Variants in DLG2 observed in about 807,000 individuals in gnomAD.
The protein encoded by DLG2 is discs large MAGUK scaffold protein 2, also known as disks large homolog 2.
A neutral mutation model predicts 132.5 loss-of-function variants in DLG2; 45 were observed. The observed-to-expected ratio is 0.34, with a 90% CI of 0.27 to 0.44. The LOEUF is 0.44. DLG2 is among the 20% of genes least tolerant of loss of function. The probability of loss-of-function intolerance (pLI) is 1.00; values close to 1 mark genes in which losing one functional copy is unlikely to be tolerated. For synonymous variants in DLG2, 424 were observed against 419.6 expected (o/e 1.01, Z -0.13); for missense variants, 1,045 against 1,196.9 (o/e 0.87, Z 1.87).
At chr11:84,343,445 G>C (rs1310766987) in intron 7 of DLG2, among the ~76,000 whole-genome samples, 1 of 152,158 alleles carries the variant, frequency 6.6e-6, no homozygotes, top group African/African-American at 2.4e-5. Context: ...TTCACTGGTT[G>C]AATGTATTTG....
intron 6 of DLG2, among the ~76,000 whole-genome samples, chr11:85,102,323 C>G (rs2071006743): frequency 6.6e-6 from 1 of 151,946 alleles, no homozygotes; most frequent in African/African-American, 2.4e-5. Context: ...AATATGTTCC[C>G]TATTCAACCC....
At chr11:84,966,935 G>A (rs2053431920) in intron 6 of DLG2, among the ~76,000 whole-genome samples, 1 of 152,034 alleles carries the variant, frequency 6.6e-6, no homozygotes, top group Admixed American at 6.6e-5. Flanking sequence ...TTAAACTGAG[G>A]GAAATAGAAA....
At chr11:85,519,048 C>T (rs118041478) in intron 3 of DLG2, among the ~76,000 whole-genome samples, 5,416 of 152,228 alleles carry the variant, frequency 0.036, 147 homozygotes, top group Admixed American at 0.053. Context: ...GATACCGAGA[C>T]AGAAGTTTGC....
intron 16 of DLG2, among the ~76,000 whole-genome samples, chr11:83,852,611 G>T (rs114975482): frequency 6.6e-6 from 1 of 152,296 alleles, no homozygotes; most frequent in African/African-American, 2.4e-5. Flanking sequence ...ACCTTTAGCT[G>T]TAGTTGAACT....
In DLG2 at chr11:84,021,839, C is replaced by A. The variant is rs183619851; in HGVS notation, c.919+37476G>T. Among the ~76,000 whole-genome samples, 328 of 151,902 alleles carry A rather than the reference C, an allele frequency of 2.2e-3. 1 individual carries two copies. The highest frequency in any genetic ancestry group is 7.4e-3 in the African/African-American group (306 of 41,438). ...ATTGGCTCACCTCAACCTCCGCCTACCGGGTTCAAGCGATTCTCCTGCCTC... is the reference window on the plus strand; with the variant it reads ...ATTGGCTCACCTCAACCTCCGCCTAACGGGTTCAAGCGATTCTCCTGCCTC... On this transcript the variant is annotated intron_variant, in intron 11 of 27. Coordinates refer to ENST00000376104, the MANE Select transcript of DLG2 (RefSeq NM_001142699.3).
intron 6 of DLG2, among the ~76,000 whole-genome samples, chr11:84,603,893 T>C (rs529769694): frequency 1.3e-5 from 2 of 152,010 alleles, no homozygotes; most frequent in East Asian, 1.9e-4. Context: ...AACAAACAAA[T>C]ATTCAATAAT....
At chr11:85,211,460 A>C (rs1186815145) in intron 4 of DLG2, among the ~76,000 whole-genome samples, 2 of 152,140 alleles carry the variant, frequency 1.3e-5, no homozygotes. Context: ...CCCAACAACT[A>C]AGTTCCCTTG....
At chr11:84,117,847 C>CTTTATTTA (rs527261967) in intron 9 of DLG2, among the ~76,000 whole-genome samples, 212 of 151,714 alleles carry the variant, frequency 1.4e-3, no homozygotes, top group African/African-American at 4.9e-3. Flanking sequence ...ATTTTATAGG[C>CTTTATTTA]TTTATTTATT....
intron 3 of DLG2, among the ~76,000 whole-genome samples, chr11:85,345,743 A>G (rs896209706): frequency 1.3e-5 from 2 of 152,130 alleles, no homozygotes; most frequent in Non-Finnish European, 2.9e-5. Flanking sequence ...TAGCCTGATA[A>G]TAGGATCAAG....
intron 6 of DLG2, among the ~76,000 whole-genome samples, chr11:84,747,797 G>A (rs904717102): frequency 5.9e-5 from 9 of 152,074 alleles, no homozygotes; most frequent in African/African-American, 1.9e-4. Flanking sequence ...TGGTTAGAAC[G>A]TGATTCTTGT....
intron 3 of DLG2, among the ~76,000 whole-genome samples, chr11:85,460,598 A>C (rs1361694706): frequency 6.6e-6 from 1 of 152,228 alleles, no homozygotes; most frequent in African/African-American, 2.4e-5. Context: ...TTGAAGATAC[A>C]GTAGTTAATC....
intron 18 of DLG2, among the ~76,000 whole-genome samples, chr11:83,758,896 C>T (rs1048074144): frequency 9.2e-5 from 14 of 151,766 alleles, no homozygotes; most frequent in African/African-American, 2.4e-4. Flanking sequence ...TTTATGGATA[C>T]GACTGCTGAA....
rs67195725 is a variant in DLG2, at chr11:83,742,210, A to AACACACACACACAC, written c.1825+44466_1825+44479dup. On this transcript the variant is annotated intron_variant, in intron 18 of 27. Coordinates refer to ENST00000376104, the MANE Select transcript of DLG2 (RefSeq NM_001142699.3). ...AGAGAGTAAATTTTACCACACTTTT[A>AACACACACACACAC]ACACACACACACACACACACACACA... 2.6e-3 allele frequency among the ~76,000 whole-genome samples: 388 copies of AACACACACACACAC among 147,096 alleles called. 1 individual carries two copies. Among genetic ancestry groups the AACACACACACACAC allele is most frequent in the African/African-American group, 8.0e-3 (321 of 39,978 alleles).
intron 7 of DLG2, among the ~76,000 whole-genome samples, chr11:84,494,515 G>A (rs1010133690): frequency 2.0e-5 from 3 of 152,194 alleles, no homozygotes; most frequent in African/African-American, 7.2e-5. Flanking sequence ...ACTGACCCAG[G>A]CAGATGGAGA....
chr11:83,818,816 C>T (rs997925530), intron 17 of DLG2, among the ~76,000 whole-genome samples: 1 of 151,764 alleles, frequency 6.6e-6, no homozygotes, highest in African/African-American at 2.4e-5. Flanking sequence ...TGAATATGAA[C>T]GTAAAAAGAC....
intron 6 of DLG2, among the ~76,000 whole-genome samples, chr11:84,686,369 T>C (rs1426968151): frequency 5.9e-5 from 9 of 152,188 alleles, no homozygotes; most frequent in African/African-American, 1.9e-4. Context: ...GAAGGCAACC[T>C]TTCTACAATG....
At chr11:84,695,599 A>T (rs1412615366) in intron 6 of DLG2, among the ~76,000 whole-genome samples, 1 of 151,598 alleles carries the variant, frequency 6.6e-6, no homozygotes, top group African/African-American at 2.4e-5. Flanking sequence ...AACATTTTGC[A>T]TGGAATGGTT....
chr11:83,681,153 C>A (rs2153598053), intron 18 of DLG2, among the ~76,000 whole-genome samples: 1 of 152,178 alleles, frequency 6.6e-6, no homozygotes, highest in East Asian at 1.9e-4. Flanking sequence ...CATATGACAC[C>A]AGAGTTAAAT....
At chr11:83,499,620 G>A (rs560937652) in intron 21 of DLG2, among the ~76,000 whole-genome samples, 5 of 149,720 alleles carry the variant, frequency 3.3e-5, no homozygotes, top group East Asian at 2.0e-4. Flanking sequence ...TACACTCTCC[G>A]TATTGCCTCC....
Sources: allele counts gnomAD v4.1 joint callset (sites outside exome capture counted in the v4.1 genomes callset), GRCh38; gene constraint gnomAD v4.1.1; transcripts MANE v1.5; gene names NCBI Gene and HGNC (gene_info 2026-07-23, HGNC 2026-07-21).